PDE1A: variants seen among roughly 807,000 people sequenced by gnomAD.
The protein encoded by PDE1A is phosphodiesterase 1A.
A neutral mutation model predicts 61.7 loss-of-function variants in PDE1A; 35 were observed. The observed-to-expected ratio is 0.57, with a 90% CI of 0.43 to 0.75. The LOEUF (loss-of-function observed/expected upper bound fraction) is 0.75, where lower values mean the gene tolerates loss of function less well. PDE1A is among the 30% of genes least tolerant of loss of function. The probability of loss-of-function intolerance (pLI) is 0.00; values close to 1 mark genes in which losing one functional copy is unlikely to be tolerated. For missense variants in PDE1A, 597 were observed against 630.6 expected, an observed-to-expected ratio of 0.95 and a Z score of 0.57; for synonymous variants, 232 against 213.2, an observed-to-expected ratio of 1.09 and a Z score of -0.77.
At chr2:182,596,301 C>CA in the PDE1A span, among the ~76,000 whole-genome samples, 1 of 152,100 alleles carries the variant, frequency 6.6e-6, no homozygotes, top group East Asian at 1.9e-4. Flanking sequence ...GCCCTTCAGG[C>CA]AAAGGGGAGT....
At chr2:182,306,425 C>T (rs1175960239) in intron 1 of PDE1A, among the ~76,000 whole-genome samples, 1 of 151,552 alleles carries the variant, frequency 6.6e-6, no homozygotes, top group South Asian at 2.1e-4. Flanking sequence ...TTTTGTTATC[C>T]CCATGTCATT....
At chr2:182,411,720 G>A (rs1053478020) in intron 1 of PDE1A, among the ~76,000 whole-genome samples, 3 of 152,084 alleles carry the variant, frequency 2.0e-5, no homozygotes, top group African/African-American at 7.2e-5. Flanking sequence ...CAACTAAAAG[G>A]ATGCTACTGG....
At chr2:182,707,356 G>C in the PDE1A span, among the ~76,000 whole-genome samples, 1 of 152,022 alleles carries the variant, frequency 6.6e-6, no homozygotes, top group African/African-American at 2.4e-5. Flanking sequence ...ATCAAAAGCA[G>C]ATTATTTGAA....
intron 2 of PDE1A, chr2:182,241,869 G>A: frequency 6.5e-7 from 1 of 1,548,614 alleles, no homozygotes; most frequent in African/African-American, 1.3e-5. Context: ...CTAAAACACT[G>A]AACTAGAAAA....
the PDE1A span, among the ~76,000 whole-genome samples, chr2:182,590,516 G>A: frequency 2.0e-5 from 3 of 152,258 alleles, no homozygotes; most frequent in African/African-American, 7.2e-5. Flanking sequence ...ACACTATAAT[G>A]GTGCTTTGTG....
the PDE1A span, among the ~76,000 whole-genome samples, chr2:182,682,809 A>T: frequency 6.6e-6 from 1 of 152,214 alleles, no homozygotes; most frequent in African/African-American, 2.4e-5. Flanking sequence ...GTTGTTTAAC[A>T]CAGAAAAGTT....
At chr2:182,440,963 C>A (rs1229883175) in intron 2 of PDE1A, among the ~76,000 whole-genome samples, 1 of 151,988 alleles carries the variant, frequency 6.6e-6, no homozygotes, top group Non-Finnish European at 1.5e-5. Context: ...GTGTACTAGT[C>A]CATTCTCATG....
At chr2:182,301,125 T>C (rs768813401) in intron 1 of PDE1A, among the ~76,000 whole-genome samples, 1 of 152,098 alleles carries the variant, frequency 6.6e-6, no homozygotes, top group Non-Finnish European at 1.5e-5. Context: ...GTATATGATA[T>C]CTCCTTGAAC....
intron 2 of PDE1A, among the ~76,000 whole-genome samples, chr2:182,502,961 G>T (rs1689171352): frequency 6.6e-6 from 1 of 151,634 alleles, no homozygotes; most frequent in Admixed American, 6.6e-5. Context: ...GGGCCCAAAG[G>T]TTTCAGGTAA....
At chr2:182,622,866 G>C in the PDE1A span, among the ~76,000 whole-genome samples, 2 of 152,142 alleles carry the variant, frequency 1.3e-5, no homozygotes, top group African/African-American at 4.8e-5. Context: ...ACAGATTCAA[G>C]GACATATTCA....
At chr2:182,188,024 T>C (rs1431048227) in intron 11 of PDE1A, among the ~76,000 whole-genome samples, 3 of 152,168 alleles carry the variant, frequency 2.0e-5, no homozygotes, top group South Asian at 2.1e-4. Flanking sequence ...ATTACAGGCA[T>C]AAGCCACTGC....
chr2:182,710,377 A>C, the PDE1A span, among the ~76,000 whole-genome samples: 2 of 152,220 alleles, frequency 1.3e-5, no homozygotes, highest in African/African-American at 4.8e-5. Flanking sequence ...GAGGACACTT[A>C]AAATCTGCTC....
chr2:182,565,249 G>A, the PDE1A span, among the ~76,000 whole-genome samples: 2 of 152,122 alleles, frequency 1.3e-5, no homozygotes, highest in African/African-American at 4.8e-5. Context: ...TGTCCTTTCT[G>A]TTTGTTAGTT....
chr2:182,212,505 C>T (rs150278140), intron 7 of PDE1A, among the ~76,000 whole-genome samples: 3,399 of 152,202 alleles, frequency 0.022, 139 homozygotes, highest in African/African-American at 0.077. Context: ...TCTGAGGTAC[C>T]GGGTTCATCT....
chr2:182,566,436 G>A, the PDE1A span, among the ~76,000 whole-genome samples: 2 of 151,272 alleles, frequency 1.3e-5, no homozygotes, highest in Admixed American at 6.6e-5. Context: ...AATAATGGAG[G>A]GAAAGATTTC....
the PDE1A span, among the ~76,000 whole-genome samples, chr2:182,687,812 A>G: frequency 6.6e-6 from 1 of 152,174 alleles, no homozygotes; most frequent in African/African-American, 2.4e-5. Flanking sequence ...AACTAGAACA[A>G]CCAATGCAGA....
intron 2 of PDE1A, among the ~76,000 whole-genome samples, chr2:182,479,561 A>T (rs1687578898): frequency 6.6e-6 from 1 of 151,868 alleles, no homozygotes; most frequent in Admixed American, 6.6e-5. Flanking sequence ...GAAGACAGCC[A>T]GACTTAGGAC....
intron 1 of PDE1A, among the ~76,000 whole-genome samples, chr2:182,365,215 G>A (rs1348539819): frequency 6.6e-6 from 1 of 152,032 alleles, no homozygotes. Context: ...CACAGGGACA[G>A]CAGGTGTAAG....
chr2:182,472,219 G>A (rs564848638), intron 2 of PDE1A, among the ~76,000 whole-genome samples: 1 of 151,754 alleles, frequency 6.6e-6, no homozygotes, highest in South Asian at 2.1e-4. Context: ...TCTACCCAAA[G>A]GAAAAGAAAA....
Sources: gnomAD v4.1 joint callset for allele counts (sites outside exome capture counted in the v4.1 genomes callset) on GRCh38, gnomAD v4.1.1 for gene constraint, MANE v1.5 for transcripts, NCBI Gene and HGNC (gene_info 2026-07-23, HGNC 2026-07-21) for gene names.